The following CTNNA3 variants were observed in gnomAD, a reference collection of about 807,000 sequenced individuals.
CTNNA3 encodes the protein catenin alpha-3.
In CTNNA3, 76 loss-of-function variants were observed where a neutral mutation model predicts 95.7. The ratio of observed to expected loss-of-function variants is 0.79; its 90% CI spans 0.66 to 0.96. The LOEUF (loss-of-function observed/expected upper bound fraction) is 0.96, where lower values mean the gene tolerates loss of function less well. CTNNA3 is among the 40% of genes least tolerant of loss of function. The pLI, the probability that CTNNA3 is intolerant of heterozygous loss-of-function variation, is 0.00. For synonymous variants in CTNNA3, 431 were observed against 374.4 expected (o/e 1.15, Z -1.74); for missense variants, 1,191 against 1,089.8 (o/e 1.09, Z -1.31).
intron 1 of CTNNA3, among the ~76,000 whole-genome samples, chr10:67,734,218 C>T (rs1194293330): frequency 1.3e-5 from 2 of 152,088 alleles, no homozygotes; most frequent in Non-Finnish European, 2.9e-5. Flanking sequence ...TTCAAATTAA[C>T]TTTTTAAATA....
intron 11 of CTNNA3, among the ~76,000 whole-genome samples, chr10:66,451,050 T>C (rs1001816034): frequency 2.0e-5 from 3 of 152,072 alleles, no homozygotes; most frequent in Non-Finnish European, 2.9e-5. Flanking sequence ...GTGGATTCAA[T>C]AGCACGTGTA....
chr10:67,519,801 T>C (rs1839928110), intron 5 of CTNNA3, among the ~76,000 whole-genome samples: 1 of 152,172 alleles, frequency 6.6e-6, no homozygotes. Flanking sequence ...CTTGCTAAAC[T>C]GGCAATTTTA....
In CTNNA3 at chr10:66,834,720, C is replaced by T. The variant is rs140148515; in HGVS notation, c.1048-59196G>A. 2.6e-3 allele frequency among the ~76,000 whole-genome samples: 397 copies of T among 152,320 alleles called. 2 individuals are homozygous for T. The highest frequency in any genetic ancestry group is 8.7e-3 in the African/African-American group (362 of 41,580). ...TTGTAGATTTCCCGATTGAGCTCAA[C>T]AAGGCATGCAAGGCCTGCTAGAGCT... On this transcript the variant is annotated intron_variant, in intron 7 of 17. Transcript: ENST00000433211.
At chr10:67,339,362 A>G (rs1842100883) in intron 5 of CTNNA3, among the ~76,000 whole-genome samples, 1 of 152,218 alleles carries the variant, frequency 6.6e-6, no homozygotes, top group African/African-American at 2.4e-5. Context: ...GGTTCAATAA[A>G]GAAATTAAAT....
chr10:66,208,948 G>C (rs2087941427), intron 13 of CTNNA3, among the ~76,000 whole-genome samples: 1 of 151,744 alleles, frequency 6.6e-6, no homozygotes. Flanking sequence ...ACCATCCTAA[G>C]AATACTCAAT....
At chr10:67,700,951 G>A (rs367803270), upstream of CTNNA3, among the ~76,000 whole-genome samples, 1 of 152,218 alleles carries the variant, frequency 6.6e-6, no homozygotes, top group African/African-American at 2.4e-5. Context: ...GGAGCTGAAA[G>A]CCAAGGCTCG....
intron 12 of CTNNA3, among the ~76,000 whole-genome samples, chr10:66,356,122 GTTTTTTTT>G (rs59366031): frequency 8.5e-6 from 1 of 117,236 alleles, no homozygotes; most frequent in African/African-American, 3.6e-5. Context: ...TGCTTGTTTT[GTTTTTTTT>G]TTTTTTTTTT....
intron 2 of CTNNA3, among the ~76,000 whole-genome samples, chr10:67,614,712 G>C (rs1339443875): frequency 6.6e-6 from 1 of 152,204 alleles, no homozygotes; most frequent in East Asian, 1.9e-4. Flanking sequence ...ACATGCACCA[G>C]TTGGGGTACT....
chr10:66,324,583 G>A (rs1440652241), intron 12 of CTNNA3, among the ~76,000 whole-genome samples: 2 of 152,108 alleles, frequency 1.3e-5, no homozygotes, highest in African/African-American at 4.8e-5. Flanking sequence ...CCAAAGCACT[G>A]GCCCCAGCCT....
At chr10:66,017,287 T>C (rs1018211077) in intron 15 of CTNNA3, among the ~76,000 whole-genome samples, 6 of 152,258 alleles carry the variant, frequency 3.9e-5, no homozygotes, top group African/African-American at 1.2e-4. Context: ...AGTCATATGG[T>C]GATAAAACAG....
intron 12 of CTNNA3, among the ~76,000 whole-genome samples, chr10:66,322,620 A>T (rs537450027): frequency 2.6e-5 from 4 of 152,130 alleles, no homozygotes; most frequent in Non-Finnish European, 5.9e-5. Context: ...AAAGCCTTGC[A>T]AAACAAACAA....
At chr10:66,518,965 A>G (rs1161834061) in intron 11 of CTNNA3, among the ~76,000 whole-genome samples, 1 of 152,108 alleles carries the variant, frequency 6.6e-6, no homozygotes, top group African/African-American at 2.4e-5. Flanking sequence ...CATTATGAGA[A>G]TGTATACATA....
intron 3 of CTNNA3, among the ~76,000 whole-genome samples, chr10:67,567,959 C>A (rs1452443475): frequency 6.6e-6 from 1 of 152,004 alleles, no homozygotes; most frequent in Non-Finnish European, 1.5e-5. Context: ...AATGCAGGAG[C>A]CTCCCAGCTG....
chr10:66,928,410 G>A, intron 7 of CTNNA3: 1 of 1,613,864 alleles, frequency 6.2e-7, no homozygotes, highest in East Asian at 2.2e-5. Flanking sequence ...TGAATGGGAC[G>A]GGACCCTGCA....
At chr10:67,559,574 G>C (rs953769135) in intron 3 of CTNNA3, among the ~76,000 whole-genome samples, 5 of 152,128 alleles carry the variant, frequency 3.3e-5, no homozygotes, top group Admixed American at 6.5e-5. Flanking sequence ...ACTCTAAAAA[G>C]CACAGTGCCT....
At chr10:65,951,469 T>A (rs1363479115) in intron 17 of CTNNA3, among the ~76,000 whole-genome samples, 1 of 152,192 alleles carries the variant, frequency 6.6e-6, no homozygotes, top group Non-Finnish European at 1.5e-5. Context: ...TCTGTTCTGA[T>A]TAGTTCTTCT....
At chr10:66,863,714 T>A (rs914056150) in intron 7 of CTNNA3, among the ~76,000 whole-genome samples, 1 of 151,940 alleles carries the variant, frequency 6.6e-6, no homozygotes, top group South Asian at 2.1e-4. Flanking sequence ...GAAAAGCAAG[T>A]AGGGAGGTTG....
At chr10:66,278,201 A>G (rs1370821002) in intron 13 of CTNNA3, among the ~76,000 whole-genome samples, 1 of 147,790 alleles carries the variant, frequency 6.8e-6, no homozygotes, top group Non-Finnish European at 1.5e-5. Flanking sequence ...AAAAAAAAGG[A>G]AAAGGAAGTC....
intron 11 of CTNNA3, among the ~76,000 whole-genome samples, chr10:66,385,340 G>A (rs1168564787): frequency 6.6e-6 from 1 of 152,140 alleles, no homozygotes; most frequent in African/African-American, 2.4e-5. Context: ...AGAAAATCTA[G>A]AAGAAATGGA....
Sources: gnomAD v4.1 joint callset for allele counts (sites outside exome capture counted in the v4.1 genomes callset) on GRCh38, gnomAD v4.1.1 for gene constraint, MANE v1.5 for transcripts, NCBI Gene and HGNC (gene_info 2026-07-23, HGNC 2026-07-21) for gene names.